REEP2: variants seen among roughly 807,000 people sequenced by gnomAD.
REEP2 encodes receptor accessory protein 2.
A neutral mutation model predicts 32.1 loss-of-function variants in REEP2; 9 were observed. The ratio of observed to expected loss-of-function variants is 0.28; its 90% CI spans 0.17 to 0.49. The LOEUF (loss-of-function observed/expected upper bound fraction) is 0.49. REEP2 is among the 20% of genes least tolerant of loss of function. The pLI, the probability that REEP2 is intolerant of heterozygous loss-of-function variation, is 0.99. For missense variants in REEP2, 236 were observed against 338.0 expected (o/e 0.70, Z 2.37); for synonymous variants, 128 against 139.1 (o/e 0.92, Z 0.56).
In REEP2 at chr5:138,445,520, G is replaced by A; in HGVS notation, c.618G>A (p.Arg206=). 6.2e-7 allele frequency: 1 copy of A among 1,614,130 alleles called. No homozygotes were observed. The highest frequency in any genetic ancestry group is 8.5e-7 in the Non-Finnish European group (1 of 1,180,014). The change falls in exon 7 of 8, where the codon CGG becomes CGA. Residue 206 remains arginine, a synonymous_variant. Coordinates refer to ENST00000378339, the MANE Select transcript of REEP2 (RefSeq NM_001271803.2). ...CCAGCACAAACCCGGCAGATTCCCG[G>A]ACAGAGGCTTCTGAGGATGACATGG... is the stretch of plus-strand genomic sequence containing the variant. ...LRSSTNPADS[R]TEASEDDMGD...
At chr5:138,445,181 C>T in intron 5 of REEP2, 47 bp from the exon 6 acceptor site, 1 of 1,541,100 alleles carries the variant, frequency 6.5e-7, no homozygotes, top group Non-Finnish European at 8.7e-7. Context: ...TCTATCTCCA[C>T]CCCGCCCCTT....
intron 3 of REEP2, among the ~76,000 whole-genome samples, chr5:138,444,046 G>A (rs750509969): frequency 5.9e-5 from 9 of 152,120 alleles, no homozygotes; most frequent in East Asian, 3.9e-4. Context: ...AGGGCAGAAA[G>A]GGAAGGAGTG....
intron 1 of REEP2, 100 bp from the exon 2 acceptor site, chr5:138,440,916 G>A: frequency 6.3e-7 from 1 of 1,589,106 alleles, no homozygotes; most frequent in Non-Finnish European, 8.5e-7. Flanking sequence ...GGGGAGTTCT[G>A]TCTCTCTTCC....
At position 138,445,288 on chromosome 5, in the gene REEP2, C is replaced by G. The variant is rs756864410; in HGVS notation, c.478C>G (p.Arg160Gly). The change falls in exon 6 of 8, where the codon CGG (arginine) becomes GGG (glycine). Residue 160 changes from arginine (R) to glycine (G), a missense_variant. Coordinates refer to ENST00000378339, the MANE Select transcript of REEP2 (RefSeq NM_001271803.2). Reference sequence around the variant, plus strand: ...CAGCATGCAGGACCTGACCCTGATCCGGGACGAGGACGCACTGCCCCTGCA... The same window carrying G: ...CAGCATGCAGGACCTGACCCTGATCGGGGACGAGGACGCACTGCCCCTGCA... ...SFSMQDLTLI[R>G]DEDALPLQRP... 1 of 1,613,520 alleles carries G rather than the reference C, an allele frequency of 6.2e-7. No individual in the cohort carries two copies. Among genetic ancestry groups the G allele is most frequent in the Non-Finnish European group, 8.5e-7 (1 of 1,179,930 alleles).
rs1304655568 is a variant in REEP2 at position 138,441,750 on chromosome 5, C to T, written c.182+289C>T. 2.0e-5 allele frequency among the ~76,000 whole-genome samples: 3 copies of T among 151,950 alleles called. No individual in the cohort carries two copies. The highest frequency in any genetic ancestry group is 4.4e-5 in the Non-Finnish European group (3 of 67,978). On this transcript the variant is annotated intron_variant, in intron 3 of 7. Coordinates refer to ENST00000378339, the MANE Select transcript of REEP2 (RefSeq NM_001271803.2). This position sits in a 1 kb window ranked among gnomAD's most constrained non-coding sequence, Gnocchi z 4.4. The stretch of plus-strand genomic sequence containing the variant: ...GACCAGCCTGGCCAACATGGTGAAA[C>T]CCCGTCTCCACTAAAAATACAAAAA...
intron 3 of REEP2, among the ~76,000 whole-genome samples, chr5:138,444,154 C>T (rs1399626852): frequency 6.6e-6 from 1 of 151,870 alleles, no homozygotes; most frequent in Non-Finnish European, 1.5e-5. Context: ...AGGGCTGGGG[C>T]TTGGGGAGAG....
intron 5 of REEP2, 104 bp downstream of exon 5, chr5:138,444,971 G>A (rs1039707724): frequency 1.6e-5 from 14 of 867,740 alleles, no homozygotes; most frequent in African/African-American, 3.4e-5. Context: ...TAGAGACTCT[G>A]GGCTCATGCA....
chr5:138,444,072 G>A (rs1161460527), intron 3 of REEP2, among the ~76,000 whole-genome samples: 2 of 152,024 alleles, frequency 1.3e-5, no homozygotes, highest in East Asian at 3.9e-4. Flanking sequence ...CCAGGTGTAG[G>A]CCTGCACAGT....
chr5:138,442,450 C>T (rs1184207387), intron 3 of REEP2, among the ~76,000 whole-genome samples: 2 of 151,624 alleles, frequency 1.3e-5, no homozygotes, highest in East Asian at 2.0e-4. Flanking sequence ...TGGTGGCTCA[C>T]GCCTGTAATC....
At chr5:138,443,682 C>T (rs1763870166) in intron 3 of REEP2, 2 of 151,924 alleles carry the variant, frequency 1.3e-5, no homozygotes, top group South Asian at 4.1e-4. Flanking sequence ...GCTGGGACCA[C>T]AGGCACACGC....
chr5:138,443,258 C>T (rs567308056), intron 3 of REEP2, among the ~76,000 whole-genome samples: 264 of 151,824 alleles, frequency 1.7e-3, no homozygotes, highest in African/African-American at 6.1e-3. Flanking sequence ...GTCAGGAGTT[C>T]GAGACCAGCC....
intron 1 of REEP2, chr5:138,439,590 G>T: frequency 2.0e-6 from 1 of 491,876 alleles, no homozygotes; most frequent in Non-Finnish European, 4.0e-6. Flanking sequence ...CTGGGCTGGA[G>T]GAGATCCTCA....
rs1763816976 is a variant in REEP2 at position 138,441,172 on chromosome 5, AC to A, written c.105+85del. ...CTGGGTCCTATTACAGATGGGGGTGACTTTGCACCAACACTGTCAGCCACTA... is the reference window on the plus strand; with the variant it reads ...CTGGGTCCTATTACAGATGGGGGTGATTTGCACCAACACTGTCAGCCACTA... On this transcript the variant is annotated intron_variant, in intron 2 of 7. Transcript: ENST00000378339. This position sits in a 1 kb window ranked among gnomAD's most constrained non-coding sequence, Gnocchi z 4.4. The A allele has an allele frequency of 1.0e-5, 16 of 1,556,644 alleles. No homozygotes were observed. The highest frequency in any genetic ancestry group is 1.4e-5 in the Non-Finnish European group (16 of 1,138,590).
rs750177980 is a variant in REEP2, at chr5:138,441,018, T to G, written c.35T>G (p.Leu12Arg). ...AGTAACCATGCCTGCCTCCCTAGGC[T>G]CATCTTTGGCACCCTGTACCCAGCC... is the stretch of plus-strand genomic sequence containing the variant. ...VSWIISRLVVLIFGTLYPAYS... is the reference protein window; with the variant it reads ...VSWIISRLVVRIFGTLYPAYS... Residue 12 changes from leucine (L) to arginine (R), a missense_variant and splice_region_variant, in exon 2 of 8, where the codon CTC (leucine) becomes CGC (arginine). Physicochemically the swap from Leu to Arg is moderately radical, Grantham distance 102. Coordinates refer to ENST00000378339, the MANE Select transcript of REEP2 (RefSeq NM_001271803.2). The surrounding 1 kb of genome is among the most constrained non-coding windows in gnomAD (Gnocchi z 4.4). 3.1e-6 allele frequency: 5 copies of G among 1,612,826 alleles called. No individual in the cohort carries two copies. In the African/African-American group the frequency reaches 5.3e-5, roughly 17 times the overall value.
At position 138,441,229 on chromosome 5, in the gene REEP2, G is replaced by T; in HGVS notation, c.105+141G>T. 1 of 1,335,670 alleles carries T rather than the reference G, an allele frequency of 7.5e-7. No individual in the cohort carries two copies. Among genetic ancestry groups the T allele is most frequent in the Middle Eastern group, 1.9e-4 (1 of 5,246 alleles). 82.7% of individuals were successfully genotyped at this position (1,335,670 alleles called of 1,614,324 possible). ...ACCCACCAGCAAAGGAGGGCCCTGG[G>T]TGTCCCACACAGCGCCTCCAACATG... is the stretch of plus-strand genomic sequence containing the variant. On this transcript the variant is annotated intron_variant, in intron 2 of 7. Transcript: ENST00000378339. The surrounding 1 kb of genome is among the most constrained non-coding windows in gnomAD (Gnocchi z 4.4).
In REEP2 at chr5:138,445,689, G is replaced by A. The variant is rs773035358; in HGVS notation, c.703G>A (p.Ala235Thr). The change falls in exon 8 of 8, where the codon GCT becomes ACT. Residue 235 changes from alanine (A) to threonine (T), a missense_variant. Coordinates refer to ENST00000378339, the MANE Select transcript of REEP2 (RefSeq NM_001271803.2). ...TTCCTCCTTCTTTCCACAGCCACTG[G>A]CTTCCAAGACACTGAAGACCCGGCC... Reference protein sequence around the residue: ...IKKAPKAEPLASKTLKTRPKK... With the variant: ...IKKAPKAEPLTSKTLKTRPKK... 6.2e-7 allele frequency: 1 copy of A among 1,614,170 alleles called. No homozygotes were observed. Among genetic ancestry groups the A allele is most frequent in the Non-Finnish European group, 8.5e-7 (1 of 1,180,032 alleles).
chr5:138,444,485 A>C lies in REEP2; in HGVS notation c.253A>C (p.Ser85Arg), dbSNP rs1763886452. The change falls in exon 4 of 8, where the codon AGC becomes CGC. Residue 85 changes from serine (S) to arginine (R), a missense_variant. By Grantham distance (110) the Ser-to-Arg change is moderately radical. Transcript: ENST00000378339. ...GCTGTCCCCTTACACCAAGGGCTCCAGCGTGCTCTACCGCAAGTTCGTGCA... is the reference window on the plus strand; with the variant it reads ...GCTGTCCCCTTACACCAAGGGCTCCCGCGTGCTCTACCGCAAGTTCGTGCA... ...WLLSPYTKGS[S>R]VLYRKFVHPT... 6.2e-7 allele frequency: 1 copy of C among 1,614,108 alleles called. No individual in the cohort carries two copies. The highest frequency in any genetic ancestry group is 1.3e-5 in the African/African-American group (1 of 75,012).
chr5:138,441,192 G>A lies in REEP2; in HGVS notation c.105+104G>A. 6.7e-7 allele frequency: 1 copy of A among 1,484,934 alleles called. No individual in the cohort carries two copies. The highest frequency in any genetic ancestry group is 9.3e-7 in the Non-Finnish European group (1 of 1,078,202). The allele number at this position is 1,484,934 out of a possible 1,614,324, so 92.0% of individuals were successfully genotyped here. On this transcript the variant is annotated intron_variant, in intron 2 of 7. Transcript: ENST00000378339. The surrounding 1 kb of genome is among the most constrained non-coding windows in gnomAD (Gnocchi z 4.4). ...GGGTGACTTTGCACCAACACTGTCA[G>A]CCACTAACAAGACCCACCAGCAAAG...
intron 1 of REEP2, among the ~76,000 whole-genome samples, chr5:138,440,284 C>G (rs1763798691): frequency 6.6e-6 from 1 of 152,242 alleles, no homozygotes; most frequent in South Asian, 2.1e-4. Flanking sequence ...TTCTCTTCCC[C>G]CACCCATCCC....
Sources: gnomAD v4.1 joint callset for allele counts (sites outside exome capture counted in the v4.1 genomes callset) on GRCh38, gnomAD v4.1.1 for gene constraint, Gnocchi (gnomAD v3.1) non-coding constraint, MANE v1.5 for transcripts, NCBI Gene and HGNC (gene_info 2026-07-23, HGNC 2026-07-21) for gene names.